Variants in EPHB1 observed in about 807,000 individuals in gnomAD.
The protein encoded by EPHB1 is EPH receptor B1.
A neutral mutation model predicts 94.4 loss-of-function variants in EPHB1; 30 were observed. The observed-to-expected ratio is 0.32, with a 90% CI of 0.24 to 0.43. The LOEUF is 0.43. Ranked by LOEUF, EPHB1 falls within the 20% of genes least tolerant of loss-of-function variation. The pLI is 1.00. For missense variants in EPHB1, 1,055 were observed against 1,308.3 expected (o/e 0.81, Z 2.99); for synonymous variants, 522 against 489.1 (o/e 1.07, Z -0.89).
At chr3:134,945,798 A>C (rs753631702) in intron 2 of EPHB1, among the ~76,000 whole-genome samples, 5 of 152,222 alleles carry the variant, frequency 3.3e-5, no homozygotes, top group Non-Finnish European at 5.9e-5. Context: ...GAAGATCTTT[A>C]GGAAACTGAC....
At chr3:134,817,324 G>A (rs761434341) in intron 1 of EPHB1, among the ~76,000 whole-genome samples, 2 of 152,174 alleles carry the variant, frequency 1.3e-5, no homozygotes, top group Non-Finnish European at 2.9e-5. Flanking sequence ...TGCAATTCTA[G>A]TCGTCACAGC....
intron 3 of EPHB1, among the ~76,000 whole-genome samples, chr3:135,085,491 C>T (rs1433087927): frequency 6.6e-6 from 1 of 152,178 alleles, no homozygotes; most frequent in Admixed American, 6.5e-5. Flanking sequence ...AATCACCCAC[C>T]TTGGAGCCCA....
At chr3:134,971,349 C>T (rs974525281) in intron 3 of EPHB1, among the ~76,000 whole-genome samples, 3 of 152,218 alleles carry the variant, frequency 2.0e-5, no homozygotes, top group African/African-American at 7.2e-5. Context: ...TCACCAGTGG[C>T]ATCATTCTGC....
intron 1 of EPHB1, among the ~76,000 whole-genome samples, chr3:134,914,572 G>A (rs775644341): frequency 6.6e-6 from 1 of 152,144 alleles, no homozygotes; most frequent in Non-Finnish European, 1.5e-5. Flanking sequence ...CAGGACTCTG[G>A]GGGGAGGGTT....
At chr3:134,991,767 C>G (rs1050048148) in intron 3 of EPHB1, among the ~76,000 whole-genome samples, 1 of 152,192 alleles carries the variant, frequency 6.6e-6, no homozygotes, top group Non-Finnish European at 1.5e-5. Flanking sequence ...GATTGCACCT[C>G]CCTTTCTTCC....
chr3:135,205,119 A>G (rs546913027), intron 12 of EPHB1, among the ~76,000 whole-genome samples: 25 of 152,150 alleles, frequency 1.6e-4, no homozygotes, highest in Non-Finnish European at 2.2e-4. Flanking sequence ...TGCAAATGAC[A>G]GGATCTCATT....
At chr3:134,989,892 C>T (rs1054827230) in intron 3 of EPHB1, among the ~76,000 whole-genome samples, 20 of 152,160 alleles carry the variant, frequency 1.3e-4, no homozygotes, top group African/African-American at 4.8e-4. Flanking sequence ...CAATTAACCC[C>T]TTGCTATGAA....
chr3:135,190,622 C>T (rs1046981528), intron 10 of EPHB1, among the ~76,000 whole-genome samples: 1 of 151,972 alleles, frequency 6.6e-6, no homozygotes, highest in African/African-American at 2.4e-5. Context: ...AAATTTTACT[C>T]ATTTTAATTA....
intron 10 of EPHB1, among the ~76,000 whole-genome samples, chr3:135,191,010 G>A (rs957569736): frequency 6.6e-6 from 1 of 152,034 alleles, no homozygotes; most frequent in African/African-American, 2.4e-5. Flanking sequence ...AGGAGGCTGA[G>A]GCAAGATGAT....
intron 7 of EPHB1, 100 bp from the exon 8 acceptor site, chr3:135,165,868 A>C: frequency 1.2e-6 from 1 of 808,636 alleles, no homozygotes; most frequent in Admixed American, 2.0e-5. Flanking sequence ...TATCCTCTAC[A>C]TATATGTATA....
intron 3 of EPHB1, among the ~76,000 whole-genome samples, chr3:135,094,649 C>T (rs1368551097): frequency 6.6e-6 from 1 of 152,198 alleles, no homozygotes; most frequent in Non-Finnish European, 1.5e-5. Context: ...TACAGTTGTT[C>T]CCAGCTAAAC....
intron 12 of EPHB1, among the ~76,000 whole-genome samples, chr3:135,211,797 GAT>G (rs1317398224): frequency 6.6e-6 from 1 of 152,126 alleles, no homozygotes; most frequent in Non-Finnish European, 1.5e-5. Flanking sequence ...CCTTGGCTAT[GAT>G]ATGCCTGAGC....
intron 3 of EPHB1, among the ~76,000 whole-genome samples, chr3:135,088,494 A>G (rs1048583519): frequency 1.3e-5 from 2 of 152,180 alleles, no homozygotes; most frequent in South Asian, 2.1e-4. Flanking sequence ...TTTCTCATGT[A>G]AAATAAGTCC....
intron 3 of EPHB1, among the ~76,000 whole-genome samples, chr3:134,999,237 G>GA (rs1338418099): frequency 8.5e-5 from 13 of 152,292 alleles, no homozygotes; most frequent in African/African-American, 2.6e-4. Context: ...AAGAGAGCTT[G>GA]AGAGAAAATC....
intron 15 of EPHB1, among the ~76,000 whole-genome samples, chr3:135,252,186 ATTT>A (rs895053226): frequency 2.7e-5 from 4 of 150,628 alleles, no homozygotes; most frequent in African/African-American, 9.8e-5. Context: ...GCTTAATTTT[ATTT>A]TATTTTTATT....
chr3:135,097,473 C>T (rs1315598959), intron 3 of EPHB1, among the ~76,000 whole-genome samples: 1 of 152,170 alleles, frequency 6.6e-6, no homozygotes, highest in Non-Finnish European at 1.5e-5. Context: ...CCTTGAGACA[C>T]TGCTCTTCTG....
At chr3:134,998,186 A>C (rs1170969135) in intron 3 of EPHB1, among the ~76,000 whole-genome samples, 2 of 152,188 alleles carry the variant, frequency 1.3e-5, no homozygotes, top group Non-Finnish European at 2.9e-5. Flanking sequence ...AGTTTCCTGC[A>C]TGCACCACTT....
At position 135,133,038 on chromosome 3, in the gene EPHB1, C is replaced by A; in HGVS notation, c.1286C>A (p.Thr429Lys). The A allele has an allele frequency of 6.3e-7, 1 of 1,587,532 alleles. No homozygotes were observed. The change falls in exon 5 of 16, where the codon ACA becomes AAA. Residue 429 changes from threonine to lysine, a missense_variant. Thr to Lys is a moderately conservative substitution (Grantham distance 78). Transcript: ENST00000398015. Reference sequence around the variant, plus strand: ...CAGCACGTCTCTGTCAACATCACCACAAACCAAGCCGGTAAGTCTGGAGGC... The same window carrying A: ...CAGCACGTCTCTGTCAACATCACCAAAAACCAAGCCGGTAAGTCTGGAGGC... ...PPQHVSVNITTNQAAPSTVPI... is the reference protein window; with the variant it reads ...PPQHVSVNITKNQAAPSTVPI...
rs1553729717 is a variant in EPHB1, at chr3:135,076,260, T to TAA, written c.806-30187_806-30186dup. 5.9e-3 allele frequency among the ~76,000 whole-genome samples: 619 copies of TAA among 104,364 alleles called. 39 individuals carry two copies. Among genetic ancestry groups the TAA allele is most frequent in the African/African-American group, 0.021 (590 of 27,664 alleles). 68.5% of individuals were successfully genotyped at this position (104,364 alleles called of 152,430 possible). On this transcript the variant is annotated intron_variant, in intron 3 of 15. Coordinates refer to ENST00000398015, the MANE Select transcript of EPHB1 (RefSeq NM_004441.5). ...ATATATATATATATATATATATATA[T>TAA]AACTCTTAAATGCATTAGTAAAAAG...
Sources: gnomAD v4.1 joint callset for allele counts (sites outside exome capture counted in the v4.1 genomes callset) on GRCh38, gnomAD v4.1.1 for gene constraint, MANE v1.5 for transcripts, NCBI Gene and HGNC (gene_info 2026-07-23, HGNC 2026-07-21) for gene names.